Variants in LRP1B observed in about 807,000 individuals in gnomAD.
The protein encoded by LRP1B is LDL receptor related protein 1B, also known as low-density lipoprotein receptor-related protein 1B.
In LRP1B, 217 loss-of-function variants were observed where a neutral mutation model predicts 556.6. The ratio of observed to expected loss-of-function variants is 0.39; its 90% CI spans 0.35 to 0.44. The LOEUF (loss-of-function observed/expected upper bound fraction) is 0.44, where lower values mean the gene tolerates loss of function less well. Among genes scored for constraint, LRP1B ranks in the 20% least tolerant of loss-of-function variants. The pLI, the probability that LRP1B is intolerant of heterozygous loss-of-function variation, is 1.00. For synonymous variants in LRP1B, 2,047 were observed against 1,865.8 expected, an observed-to-expected ratio of 1.10 and a Z score of -2.50; for missense variants, 5,053 against 5,620.8, an observed-to-expected ratio of 0.90 and a Z score of 3.23.
intron 20 of LRP1B, among the ~76,000 whole-genome samples, chr2:140,928,587 A>G (rs1000370609): frequency 6.6e-6 from 1 of 152,160 alleles, no homozygotes; most frequent in Non-Finnish European, 1.5e-5. Context: ...CTCATCATAT[A>G]GCATAGGGCC....
intron 43 of LRP1B, among the ~76,000 whole-genome samples, chr2:140,563,461 C>G (rs1377410417): frequency 6.6e-6 from 1 of 152,110 alleles, no homozygotes; most frequent in Admixed American, 6.6e-5. Context: ...CAAAACTAAT[C>G]TGAAATGGAA....
intron 20 of LRP1B, among the ~76,000 whole-genome samples, chr2:140,926,159 TAAAAC>T (rs137941167): frequency 0.12 from 17,603 of 150,986 alleles, 1,515 homozygotes; most frequent in East Asian, 0.22. Flanking sequence ...TATAATAACA[TAAAAC>T]AAGAGTATAG....
At chr2:141,089,099 G>C (rs1447217431) in intron 7 of LRP1B, among the ~76,000 whole-genome samples, 1 of 152,072 alleles carries the variant, frequency 6.6e-6, no homozygotes, top group African/African-American at 2.4e-5. Context: ...TCAACATCTG[G>C]GTATCCTTAG....
intron 2 of LRP1B, among the ~76,000 whole-genome samples, chr2:141,660,145 G>C (rs1690158805): frequency 6.6e-6 from 1 of 152,014 alleles, no homozygotes; most frequent in Admixed American, 6.5e-5. Flanking sequence ...TCTCTTGCTG[G>C]GATTGACTAA....
chr2:140,978,496 C>T (rs1485012465), intron 18 of LRP1B, among the ~76,000 whole-genome samples: 1 of 152,072 alleles, frequency 6.6e-6, no homozygotes, highest in African/African-American at 2.4e-5. Flanking sequence ...ATGACAAAAG[C>T]AAAATATGGC....
intron 2 of LRP1B, among the ~76,000 whole-genome samples, chr2:141,754,618 G>C (rs1486257038): frequency 6.6e-6 from 1 of 152,114 alleles, no homozygotes; most frequent in Non-Finnish European, 1.5e-5. Context: ...TATTCCTGTT[G>C]ACGCAGTTTA....
chr2:140,588,316 T>C (rs781462879), intron 43 of LRP1B, among the ~76,000 whole-genome samples: 3 of 152,184 alleles, frequency 2.0e-5, no homozygotes, highest in Non-Finnish European at 4.4e-5. Context: ...CATAAAGGGA[T>C]GTAAAGTTTC....
chr2:142,101,941 T>A (rs180889113), intron 1 of LRP1B, among the ~76,000 whole-genome samples: 1 of 152,050 alleles, frequency 6.6e-6, no homozygotes, highest in Non-Finnish European at 1.5e-5. Flanking sequence ...TCTGAGATAG[T>A]ATGGAGAGAG....
intron 2 of LRP1B, among the ~76,000 whole-genome samples, chr2:141,731,003 A>G (rs1693250642): frequency 6.6e-6 from 1 of 152,154 alleles, no homozygotes; most frequent in African/African-American, 2.4e-5. Context: ...AGAACCAGGT[A>G]TAGTGTGGTG....
At chr2:140,969,620 G>A (rs963365911) in intron 18 of LRP1B, among the ~76,000 whole-genome samples, 9 of 152,240 alleles carry the variant, frequency 5.9e-5, no homozygotes, top group African/African-American at 2.2e-4. Flanking sequence ...TCCTAGCATC[G>A]ATGGTCTTTA....
intron 2 of LRP1B, among the ~76,000 whole-genome samples, chr2:141,690,401 ATATATATAT>A (rs1558806527): frequency 0.065 from 7,005 of 107,430 alleles, 658 homozygotes; most frequent in East Asian, 0.084. Flanking sequence ...CTATAAATAT[ATATATATAT>A]ATATATATAT....
chr2:141,404,593 T>G (rs970758957), intron 3 of LRP1B, among the ~76,000 whole-genome samples: 1 of 152,148 alleles, frequency 6.6e-6, no homozygotes, highest in Non-Finnish European at 1.5e-5. Flanking sequence ...AGCACAGATA[T>G]CCTAATAGAA....
At chr2:141,140,997 T>C (rs1001362451) in intron 7 of LRP1B, among the ~76,000 whole-genome samples, 3 of 152,128 alleles carry the variant, frequency 2.0e-5, no homozygotes, top group Admixed American at 6.6e-5. Flanking sequence ...GAGCAATCAA[T>C]CTCTCTCTCA....
In LRP1B at chr2:141,862,978, C is replaced by A. The variant is rs111405675; in HGVS notation, c.83-52577G>T. On this transcript the variant is annotated intron_variant, in intron 1 of 90. Transcript: ENST00000389484. ...GATGGTTCAGTGTTGGCTGAATAGA[C>A]CTTCTTATTGCTGAGCTCTCTCTTA... is the stretch of plus-strand genomic sequence containing the variant. Among the ~76,000 whole-genome samples, 1,021 of 152,220 alleles carry A rather than the reference C, an allele frequency of 6.7e-3. 17 individuals carry two copies. Among genetic ancestry groups the A allele is most frequent in the African/African-American group, 0.023 (939 of 41,524 alleles).
At chr2:140,266,833 TATA>T (rs1223366189) in intron 86 of LRP1B, among the ~76,000 whole-genome samples, 1 of 152,098 alleles carries the variant, frequency 6.6e-6, no homozygotes, top group Non-Finnish European at 1.5e-5. Flanking sequence ...GTATTTCTAT[TATA>T]ATAATTAGCA....
chr2:141,235,824 CTTAAG>C (rs1159460917), intron 5 of LRP1B, among the ~76,000 whole-genome samples: 1 of 152,072 alleles, frequency 6.6e-6, no homozygotes, highest in African/African-American at 2.4e-5. Context: ...TTAATACTCA[CTTAAG>C]TTAATATAGC....
intron 1 of LRP1B, among the ~76,000 whole-genome samples, chr2:142,027,074 C>T (rs1261115731): frequency 6.6e-6 from 1 of 151,938 alleles, no homozygotes; most frequent in Non-Finnish European, 1.5e-5. Flanking sequence ...GTCACCCTTA[C>T]TCAGATGAAA....
At chr2:141,695,757 G>A (rs1327134632) in intron 2 of LRP1B, among the ~76,000 whole-genome samples, 4 of 151,776 alleles carry the variant, frequency 2.6e-5, no homozygotes, top group African/African-American at 7.3e-5. Flanking sequence ...AAATAACATC[G>A]TATTCAAAAG....
intron 2 of LRP1B, among the ~76,000 whole-genome samples, chr2:141,737,361 A>C (rs1012939583): frequency 6.6e-6 from 1 of 152,128 alleles, no homozygotes; most frequent in South Asian, 2.1e-4. Context: ...CAGAAAAAGC[A>C]AACAAACAAC....
Sources: gnomAD v4.1 joint callset for allele counts (sites outside exome capture counted in the v4.1 genomes callset) on GRCh38, gnomAD v4.1.1 for gene constraint, MANE v1.5 for transcripts, NCBI Gene and HGNC (gene_info 2026-07-23, HGNC 2026-07-21) for gene names.